The following MAST2 variants were observed in gnomAD, a reference collection of about 807,000 sequenced individuals.
MAST2 encodes the protein microtubule-associated serine/threonine-protein kinase 2.
Under a neutral mutation model 147.4 loss-of-function variants are expected in MAST2, and 70 were observed. The ratio of observed to expected loss-of-function variants is 0.47; its 90% confidence interval spans 0.39 to 0.58. The LOEUF is 0.58. Among genes scored for constraint, MAST2 ranks in the 20% least tolerant of loss-of-function variants. The pLI is 0.00. For missense variants in MAST2, 2,080 were observed against 2,302.3 expected (o/e 0.90, Z 1.98); for synonymous variants, 869 against 896.8 (o/e 0.97, Z 0.55).
At chr1:45,899,163 A>G (rs1211656377) in intron 4 of MAST2, among the ~76,000 whole-genome samples, 3 of 152,160 alleles carry the variant, frequency 2.0e-5, no homozygotes, top group African/African-American at 7.2e-5. Flanking sequence ...AAGCAGGATG[A>G]TGGTTTTCAT....
intron 26 of MAST2, 73 bp from the exon 27 acceptor site, chr1:46,033,729 G>A: frequency 1.9e-6 from 3 of 1,575,762 alleles, no homozygotes; most frequent in South Asian, 1.2e-5. Flanking sequence ...CATGCCAGAA[G>A]GGAAGGATTG....
chr1:45,984,137 T>G (rs1644521316), intron 5 of MAST2, among the ~76,000 whole-genome samples: 1 of 152,132 alleles, frequency 6.6e-6, no homozygotes, highest in African/African-American at 2.4e-5. Context: ...TAATACCTCT[T>G]CATTAGGTTC....
rs746133332 is a variant in MAST2, at chr1:46,002,875, A to C, written c.739A>C (p.Thr247Pro). ...ATATGGAACTAACACTCCTAGCTCC[A>C]CTGTCTCAGTAAGTAGCCAAATCTG... Reference protein sequence around the residue: ...SGYGTNTPSSTVSSSCSSQEK... With the variant: ...SGYGTNTPSSPVSSSCSSQEK... Residue 247 changes from threonine to proline, a missense_variant, in exon 7 of 29, where the codon ACT (threonine) becomes CCT (proline). Physicochemically the swap from Thr to Pro is conservative, Grantham distance 38 (BLOSUM62 -1). Around this residue, in one of 4 missense-constraint regions of MAST2, gnomAD observed 569 missense variants for 642.5 expected, o/e 0.89. Transcript: ENST00000361297. The C allele has an allele frequency of 6.2e-7, 1 of 1,613,956 alleles. No homozygotes were observed. Among genetic ancestry groups the C allele is most frequent in the African/African-American group, 1.3e-5 (1 of 74,912 alleles).
At chr1:45,818,709 C>T (rs1460624953) in intron 1 of MAST2, among the ~76,000 whole-genome samples, 1 of 152,168 alleles carries the variant, frequency 6.6e-6, no homozygotes, top group Non-Finnish European at 1.5e-5. Flanking sequence ...GCCTCCTTTG[C>T]AAAACTTTTT....
chr1:45,979,572 T>G (rs1644316132), intron 5 of MAST2, among the ~76,000 whole-genome samples: 1 of 152,128 alleles, frequency 6.6e-6, no homozygotes, highest in Non-Finnish European at 1.5e-5. Context: ...GCACAGTGAC[T>G]CACACCTGTA....
At chr1:45,964,366 A>G (rs1027321699) in intron 5 of MAST2, among the ~76,000 whole-genome samples, 1 of 152,192 alleles carries the variant, frequency 6.6e-6, no homozygotes, top group Middle Eastern at 3.4e-3. Context: ...TTGGTTGGTA[A>G]GCTATTAATT....
intron 4 of MAST2, among the ~76,000 whole-genome samples, chr1:45,931,377 GTTTTT>G (rs71587091): frequency 3.0e-5 from 3 of 101,206 alleles, no homozygotes; most frequent in African/African-American, 1.2e-4. Flanking sequence ...ATTGTGTTCT[GTTTTT>G]TTTTTTTTTT....
At chr1:45,929,064 C>T (rs971783053) in intron 4 of MAST2, among the ~76,000 whole-genome samples, 21 of 151,970 alleles carry the variant, frequency 1.4e-4, no homozygotes, top group Non-Finnish European at 2.8e-4. Flanking sequence ...TGTCAGGAGG[C>T]GGGTAATGTC....
At chr1:45,838,965 T>TC (rs1182168564) in intron 3 of MAST2, among the ~76,000 whole-genome samples, 1 of 151,964 alleles carries the variant, frequency 6.6e-6, no homozygotes, top group African/African-American at 2.4e-5. Flanking sequence ...ATTGGAAGAC[T>TC]CATATCTTTT....
At chr1:46,028,078 T>G (rs542585406) in intron 17 of MAST2, among the ~76,000 whole-genome samples, 8 of 152,214 alleles carry the variant, frequency 5.3e-5, no homozygotes, top group Non-Finnish European at 1.0e-4. Context: ...ATGCCTACCT[T>G]GTAGCTAGAT....
chr1:45,862,660 C>T (rs529025844), intron 3 of MAST2, among the ~76,000 whole-genome samples: 2 of 151,890 alleles, frequency 1.3e-5, no homozygotes, highest in South Asian at 2.1e-4. Flanking sequence ...AGTAGAAACA[C>T]GGTTTTGCCT....
intron 2 of MAST2, among the ~76,000 whole-genome samples, chr1:45,826,842 T>G (rs1429733682): frequency 6.6e-6 from 1 of 152,122 alleles, no homozygotes; most frequent in East Asian, 1.9e-4. Context: ...ATTTATTTAT[T>G]TATTTTTGAC....
chr1:46,025,876 T>G, intron 16 of MAST2, 61 bp downstream of exon 16: 1 of 1,605,626 alleles, frequency 6.2e-7, no homozygotes, highest in South Asian at 1.1e-5. Flanking sequence ...AGATAAAATG[T>G]TGGCAAGCAC....
intron 3 of MAST2, among the ~76,000 whole-genome samples, chr1:45,867,715 C>A (rs562813845): frequency 7.2e-5 from 11 of 152,250 alleles, no homozygotes; most frequent in Admixed American, 7.2e-4. Context: ...TTTACAGATA[C>A]GTGAAGCTCA....
chr1:45,997,454 G>A (rs1645102172), intron 5 of MAST2, among the ~76,000 whole-genome samples: 2 of 152,174 alleles, frequency 1.3e-5, no homozygotes, highest in Admixed American at 1.3e-4. Flanking sequence ...AGTCTCAGGT[G>A]TGTTCCTAGG....
At chr1:45,870,272 A>C (rs1646329355) in intron 3 of MAST2, among the ~76,000 whole-genome samples, 1 of 152,014 alleles carries the variant, frequency 6.6e-6, no homozygotes, top group African/African-American at 2.4e-5. Flanking sequence ...ATCATCTGAT[A>C]TTGTTTTATT....
At chr1:45,940,841 G>T (rs928418351) in intron 4 of MAST2, among the ~76,000 whole-genome samples, 1 of 152,026 alleles carries the variant, frequency 6.6e-6, no homozygotes, top group Admixed American at 6.5e-5. Flanking sequence ...GGATGGCCTC[G>T]ATCTCCTGAC....
intron 15 of MAST2, 72 bp downstream of exon 15, chr1:46,024,052 C>A: frequency 7.0e-7 from 1 of 1,429,032 alleles, no homozygotes; most frequent in Non-Finnish European, 9.9e-7. Context: ...CAGGGACCAG[C>A]AGCTTTGTAC....
chr1:45,930,370 C>T (rs1038841586), intron 4 of MAST2, among the ~76,000 whole-genome samples: 6 of 134,782 alleles, frequency 4.5e-5, no homozygotes, highest in Non-Finnish European at 6.6e-5. Context: ...TGAGCCACCG[C>T]GCCTGGCCTG....
Sources: gnomAD v4.1 joint callset for allele counts (sites outside exome capture counted in the v4.1 genomes callset) on GRCh38, gnomAD v4.1.1 for gene constraint, gnomAD v4.1.1 regional missense constraint, MANE v1.5 for transcripts, NCBI Gene and HGNC (gene_info 2026-07-23, HGNC 2026-07-21) for gene names.